Variants in ATE1 observed in about 807,000 individuals in gnomAD.
ATE1 encodes the protein arginyltransferase 1.
A neutral mutation model predicts 70.5 loss-of-function variants in ATE1; 36 were observed. The ratio of observed to expected loss-of-function variants is 0.51; its 90% CI spans 0.39 to 0.67. The LOEUF (loss-of-function observed/expected upper bound fraction) is 0.67. Among genes scored for constraint, ATE1 ranks in the 30% least tolerant of loss-of-function variants. ATE1 has a pLI of 0.00. For missense variants in ATE1, 593 were observed against 629.5 expected, an observed-to-expected ratio of 0.94 and a Z score of 0.62; for synonymous variants, 232 against 219.3, an observed-to-expected ratio of 1.06 and a Z score of -0.51.
At chr10:121,856,113 C>T (rs1949240207) in intron 8 of ATE1, among the ~76,000 whole-genome samples, 1 of 149,888 alleles carries the variant, frequency 6.7e-6, no homozygotes, top group African/African-American at 2.5e-5. Flanking sequence ...TATATATAAC[C>T]AAGGTAAATC....
intron 7 of ATE1, among the ~76,000 whole-genome samples, chr10:121,882,330 G>A (rs978336916): frequency 4.6e-5 from 7 of 152,202 alleles, no homozygotes; most frequent in Admixed American, 1.3e-4. Flanking sequence ...TGCAAATGCT[G>A]ACTGGGTAAC....
intron 8 of ATE1, among the ~76,000 whole-genome samples, chr10:121,869,257 G>A (rs1352366548): frequency 6.6e-6 from 1 of 152,240 alleles, no homozygotes; most frequent in Non-Finnish European, 1.5e-5. Context: ...TAGCTAGTAA[G>A]TGAAGGCAAG....
At chr10:121,786,594 T>C (rs1325365381) in intron 11 of ATE1, among the ~76,000 whole-genome samples, 1 of 151,394 alleles carries the variant, frequency 6.6e-6, no homozygotes, top group Non-Finnish European at 1.5e-5. Flanking sequence ...GTTTGAGCCC[T>C]GGAGGCAGAG....
chr10:121,833,724 G>A (rs1171250693), intron 10 of ATE1, among the ~76,000 whole-genome samples: 1 of 152,150 alleles, frequency 6.6e-6, no homozygotes, highest in Non-Finnish European at 1.5e-5. Context: ...AGTGTTCCAT[G>A]TTCTAGGCCA....
At chr10:121,874,390 A>G (rs953243026) in intron 7 of ATE1, among the ~76,000 whole-genome samples, 5 of 152,212 alleles carry the variant, frequency 3.3e-5, no homozygotes, top group Admixed American at 6.5e-5. Context: ...CAAAAGAAAA[A>G]AGTTTTATTG....
chr10:121,922,049 T>C (rs1051296788), intron 3 of ATE1, among the ~76,000 whole-genome samples: 2 of 152,180 alleles, frequency 1.3e-5, no homozygotes, highest in Non-Finnish European at 2.9e-5. Context: ...CCAAAAGTAA[T>C]GTGAATATTT....
chr10:121,772,307 C>T (rs10510104), intron 11 of ATE1, among the ~76,000 whole-genome samples: 126,942 of 152,180 alleles, frequency 0.83, 53,144 homozygotes, highest in Non-Finnish European at 0.88. Context: ...TATTACTCAA[C>T]GTCTGAATTC....
intron 3 of ATE1, among the ~76,000 whole-genome samples, chr10:121,921,657 AG>A (rs1951886587): frequency 6.6e-6 from 1 of 152,100 alleles, no homozygotes; most frequent in African/African-American, 2.4e-5. Flanking sequence ...GGATAAGCCC[AG>A]GCAAACCTAG....
intron 9 of ATE1, 74 bp from the exon 10 acceptor site, chr10:121,836,891 T>C (rs1948454077): frequency 1.1e-6 from 1 of 930,910 alleles, no homozygotes; most frequent in East Asian, 2.6e-5. Context: ...TGTAATTTGA[T>C]GGTAAACATT....
chr10:121,816,139 A>G (rs947931509), intron 10 of ATE1, among the ~76,000 whole-genome samples: 2 of 152,212 alleles, frequency 1.3e-5, no homozygotes, highest in African/African-American at 2.4e-5. Context: ...TTGTTAAAAT[A>G]GTGTTTAGAC....
intron 3 of ATE1, among the ~76,000 whole-genome samples, chr10:121,917,662 T>G (rs1440211982): frequency 6.6e-6 from 1 of 151,936 alleles, no homozygotes; most frequent in African/African-American, 2.4e-5. Context: ...ATGCAAGTGT[T>G]ACAATTATAT....
At chr10:121,838,198 C>T (rs1406580250) in intron 9 of ATE1, among the ~76,000 whole-genome samples, 1 of 152,074 alleles carries the variant, frequency 6.6e-6, no homozygotes, top group Non-Finnish European at 1.5e-5. Flanking sequence ...TAATCTTTTA[C>T]AATATTAATC....
chr10:121,877,108 C>A (rs1210538917), intron 7 of ATE1, among the ~76,000 whole-genome samples: 4 of 152,156 alleles, frequency 2.6e-5, no homozygotes, highest in Admixed American at 6.5e-5. Context: ...AAGAAAGACT[C>A]TGGTTCTGGT....
chr10:121,927,394 G>C (rs562241021), intron 1 of ATE1: 1 of 978,488 alleles, frequency 1.0e-6, no homozygotes, highest in African/African-American at 1.8e-5. Context: ...CTGTACATTC[G>C]TCCAGGGAAG....
chr10:121,770,255 C>CACACACAT (rs892224622), intron 11 of ATE1, among the ~76,000 whole-genome samples: 2 of 151,404 alleles, frequency 1.3e-5, no homozygotes, highest in African/African-American at 4.9e-5. Flanking sequence ...CACACACACA[C>CACACACAT]ACACACACAC....
At chr10:121,748,233 A>C (rs1166887205) in intron 11 of ATE1, among the ~76,000 whole-genome samples, 2 of 152,334 alleles carry the variant, frequency 1.3e-5, no homozygotes, top group South Asian at 4.1e-4. Flanking sequence ...AGAATGTGAG[A>C]TCTGATATGT....
At chr10:121,915,880 G>C (rs1473237718) in intron 3 of ATE1, among the ~76,000 whole-genome samples, 1 of 142,032 alleles carries the variant, frequency 7.0e-6, no homozygotes, top group Non-Finnish European at 1.5e-5. Flanking sequence ...AACAGAGTGA[G>C]ACTCCATCTC....
intron 11 of ATE1, among the ~76,000 whole-genome samples, chr10:121,775,682 A>G (rs1458073380): frequency 1.3e-5 from 2 of 152,204 alleles, no homozygotes; most frequent in Non-Finnish European, 2.9e-5. Flanking sequence ...TTTATTTATT[A>G]GTACCGCCAG....
chr10:121,881,891 T>C (rs1950237054), intron 7 of ATE1, among the ~76,000 whole-genome samples: 1 of 152,064 alleles, frequency 6.6e-6, no homozygotes, highest in African/African-American at 2.4e-5. Context: ...CCTCCTGGGT[T>C]CAAGCAATTC....
Sources: gnomAD v4.1 joint callset for allele counts (sites outside exome capture counted in the v4.1 genomes callset) on GRCh38, gnomAD v4.1.1 for gene constraint, MANE v1.5 for transcripts, NCBI Gene and HGNC (gene_info 2026-07-23, HGNC 2026-07-21) for gene names.